Variants in HDGFL3 observed in about 807,000 individuals in gnomAD.
HDGFL3 encodes the protein hepatoma-derived growth factor-related protein 3.
Under a neutral mutation model 27.6 loss-of-function variants are expected in HDGFL3, and 6 were observed. The ratio of observed to expected loss-of-function variants is 0.22; its 90% CI spans 0.12 to 0.43. The LOEUF is 0.43. Among genes scored for constraint, HDGFL3 ranks in the 20% least tolerant of loss-of-function variants. The probability of loss-of-function intolerance (pLI) is 1.00; values close to 1 mark genes in which losing one functional copy is unlikely to be tolerated. For missense variants in HDGFL3, 207 were observed against 250.1 expected (o/e 0.83, Z 1.16); for synonymous variants, 88 against 88.9 (o/e 0.99, Z 0.05).
At chr15:83,142,271 A>T (rs2036787315) in intron 5 of HDGFL3, among the ~76,000 whole-genome samples, 1 of 152,222 alleles carries the variant, frequency 6.6e-6, no homozygotes, top group Non-Finnish European at 1.5e-5. Flanking sequence ...AATGGAATCA[A>T]CCTAAATGCC....
At chr15:83,192,025 CCT>C (rs563045912) in intron 1 of HDGFL3, among the ~76,000 whole-genome samples, 244 of 151,012 alleles carry the variant, frequency 1.6e-3, no homozygotes, top group Admixed American at 2.8e-3. Flanking sequence ...CACTGCAACC[CCT>C]GTCTCCCAGG....
chr15:83,181,878 C>T (rs963448935), intron 1 of HDGFL3, among the ~76,000 whole-genome samples: 1 of 152,216 alleles, frequency 6.6e-6, no homozygotes, highest in African/African-American at 2.4e-5. Context: ...CTATTGTCCA[C>T]ATAGATTCTA....
chr15:83,179,880 T>C (rs2037358184), intron 1 of HDGFL3: 1 of 152,170 alleles, frequency 6.6e-6, no homozygotes, highest in Non-Finnish European at 1.5e-5. Flanking sequence ...CTTGAATGCA[T>C]GATGTTATAA....
chr15:83,113,255 G>C (rs768058473), exon 4 of HDGFL3: 22 of 342,468 alleles, frequency 6.4e-5, no homozygotes, highest in Non-Finnish European at 1.2e-4. Flanking sequence ...ACTTAGTGCA[G>C]AACTTAACTG....
chr15:83,125,243 A>G (rs150141279), downstream of HDGFL3, among the ~76,000 whole-genome samples: 4 of 152,304 alleles, frequency 2.6e-5, no homozygotes, highest in Non-Finnish European at 4.4e-5. Context: ...CACTGGTAAG[A>G]GTAGTGTTGA....
At chr15:83,117,849 G>C (rs1446450346) in intron 3 of HDGFL3, among the ~76,000 whole-genome samples, 1 of 152,154 alleles carries the variant, frequency 6.6e-6, no homozygotes, top group Non-Finnish European at 1.5e-5. Flanking sequence ...GGGTTGGAAG[G>C]AGGGGACAAA....
At chr15:83,177,676 T>C (rs944560688) in intron 1 of HDGFL3, among the ~76,000 whole-genome samples, 6 of 152,202 alleles carry the variant, frequency 3.9e-5, no homozygotes, top group African/African-American at 1.4e-4. Flanking sequence ...TATAAAAACA[T>C]TGGTCACTGA....
At chr15:83,118,872 G>A (rs949600918) in intron 3 of HDGFL3, among the ~76,000 whole-genome samples, 5 of 152,128 alleles carry the variant, frequency 3.3e-5, no homozygotes, top group South Asian at 2.1e-4. Context: ...AATGTAGTTC[G>A]TCATATAATC....
chr15:83,138,260 C>G lies in HDGFL3; in HGVS notation c.*1010G>C, dbSNP rs2036693996. On this transcript the variant is annotated 3_prime_UTR_variant, in exon 6 of 6. Transcript: ENST00000299633. ...TACAGTAAACTTTTCAACTACAAACCGTGAATACGCGAAAGATGTTCCAAG... is the reference window on the plus strand; with the variant it reads ...TACAGTAAACTTTTCAACTACAAACGGTGAATACGCGAAAGATGTTCCAAG... 2 of 152,228 alleles carry G rather than the reference C, an allele frequency of 1.3e-5. No homozygotes were observed. Among genetic ancestry groups the G allele is most frequent in the South Asian group, 4.2e-4 (2 of 4,814 alleles). The allele number at this position is 152,228 out of a possible 1,614,324, so 9.4% of individuals were successfully genotyped here.
intron 5 of HDGFL3, among the ~76,000 whole-genome samples, chr15:83,143,843 T>C (rs2151394607): frequency 1.3e-5 from 2 of 149,284 alleles, no homozygotes; most frequent in Middle Eastern, 6.8e-3. Context: ...ACATTGTAGC[T>C]ATCATTCCAA....
At chr15:83,141,521 A>G (rs1290456928) in intron 5 of HDGFL3, among the ~76,000 whole-genome samples, 2 of 152,244 alleles carry the variant, frequency 1.3e-5, no homozygotes, top group African/African-American at 4.8e-5. Flanking sequence ...TGCCAATGAT[A>G]AAATTTGAGT....
Position 83,203,823 on chromosome 15 carries a change from T to C in HDGFL3, c.84+3508A>G, listed in dbSNP as rs544171233. Among the ~76,000 whole-genome samples, 4 of 151,416 alleles carry C rather than the reference T, an allele frequency of 2.6e-5. No individual in the cohort carries two copies. In the South Asian group the frequency reaches 8.4e-4, roughly 32 times the overall value. ...TGTGTTTATTTTATGCTGTATATAG[T>C]AGTAACAGAAAGCACATGTATATAT... is the stretch of plus-strand genomic sequence containing the variant. On this transcript the variant is annotated intron_variant, in intron 1 of 5. Transcript: ENST00000299633.
intron 5 of HDGFL3, among the ~76,000 whole-genome samples, chr15:83,150,042 G>A (rs1379774258): frequency 3.9e-5 from 6 of 152,002 alleles, no homozygotes; most frequent in Non-Finnish European, 7.4e-5. Context: ...CTGGAGTTTC[G>A]GGCAGGTCTG....
At chr15:83,127,535 T>C, downstream of HDGFL3, 7 of 1,597,326 alleles carry the variant, frequency 4.4e-6, no homozygotes, top group Non-Finnish European at 6.0e-6. Flanking sequence ...AATTGTTGAA[T>C]ATATGAAAAA....
chr15:83,136,684 C>G lies in HDGFL3; in HGVS notation c.*2586G>C, dbSNP rs1480142169. ...AAAAAGTGGAATAAAAATATTACTT[C>G]ATGTTCCTCCTTTCTAAATTACTAA... On this transcript the variant is annotated 3_prime_UTR_variant, in exon 6 of 6. Coordinates refer to ENST00000299633, the MANE Select transcript of HDGFL3 (RefSeq NM_016073.4). The G allele has an allele frequency of 1.3e-6, 2 of 1,579,956 alleles. No homozygotes were observed. Among genetic ancestry groups the G allele is most frequent in the South Asian group, 2.3e-5 (2 of 85,212 alleles).
In HDGFL3 at chr15:83,138,367, T is replaced by A. The variant is rs934766934; in HGVS notation, c.*903A>T. ...TAAGCTGGCATAAAAATAAATAAAA[T>A]TCTCTATTATCACAATAGCAACAAT... On this transcript the variant is annotated 3_prime_UTR_variant, in exon 6 of 6. Coordinates refer to ENST00000299633, the MANE Select transcript of HDGFL3 (RefSeq NM_016073.4). 1.3e-5 allele frequency: 2 copies of A among 152,344 alleles called. No individual in the cohort carries two copies. Among genetic ancestry groups the A allele is most frequent in the African/African-American group, 4.8e-5 (2 of 41,450 alleles). 9.4% of individuals were successfully genotyped at this position (152,344 alleles called of 1,614,324 possible).
chr15:83,136,455 CA>C lies in HDGFL3; in HGVS notation c.*2814del. On this transcript the variant is annotated 3_prime_UTR_variant, in exon 6 of 6. Transcript: ENST00000299633. ...CAACTGAACACGTTTCATGCTTACT[CA>C]ATTTTTTTTTTTTAAATGCAACAGG... 2 of 1,526,192 alleles carry C rather than the reference CA, an allele frequency of 1.3e-6. No individual in the cohort carries two copies. Among genetic ancestry groups the C allele is most frequent in the South Asian group, 1.3e-5 (1 of 79,986 alleles). 94.5% of individuals were successfully genotyped at this position (1,526,192 alleles called of 1,614,324 possible).
Position 83,207,502 on chromosome 15 carries a change from T to G in HDGFL3, c.-88A>C. ...CGCGGGCCGACGAATTGCGCCGCGC[T>G]CCCCGCGGGCCTCAAGCCGGGCGGA... On this transcript the variant is annotated 5_prime_UTR_variant, in exon 1 of 6. Coordinates refer to ENST00000299633, the MANE Select transcript of HDGFL3 (RefSeq NM_016073.4). The surrounding 1 kb of genome is among the most constrained non-coding windows in gnomAD (Gnocchi z 4.8). The G allele has an allele frequency of 1.9e-6, 2 of 1,031,600 alleles. No individual in the cohort carries two copies. Among genetic ancestry groups the G allele is most frequent in the Non-Finnish European group, 1.2e-6 (1 of 803,640 alleles). 63.9% of individuals were successfully genotyped at this position (1,031,600 alleles called of 1,614,324 possible). A position where few individuals can be genotyped will look rare whatever the true frequency, so the allele number is the denominator to read the frequency against.
rs1055046127 is a variant in HDGFL3, at chr15:83,134,812, A to T, written c.*4458T>A. 1.3e-5 allele frequency: 2 copies of T among 152,246 alleles called. No individual in the cohort carries two copies. The highest frequency in any genetic ancestry group is 2.1e-4 in the South Asian group (1 of 4,832). The allele number at this position is 152,246 out of a possible 1,614,324, so 9.4% of individuals were successfully genotyped here. ...CAGTCCAGAGAAAATGCTTGGTTAT[A>T]TATTCAGAAAAACACTATTATTCAA... On this transcript the variant is annotated 3_prime_UTR_variant, in exon 6 of 6. Coordinates refer to ENST00000299633, the MANE Select transcript of HDGFL3 (RefSeq NM_016073.4).
Sources: allele counts gnomAD v4.1 joint callset (sites outside exome capture counted in the v4.1 genomes callset), GRCh38; gene constraint gnomAD v4.1.1; non-coding constraint Gnocchi (gnomAD v3.1); transcripts MANE v1.5; gene names NCBI Gene and HGNC (gene_info 2026-07-23, HGNC 2026-07-21).